The following ZNF804B variants were observed in gnomAD, a reference collection of about 807,000 sequenced individuals.
ZNF804B encodes the protein zinc finger 804B.
In ZNF804B, 80 loss-of-function variants were observed where a neutral mutation model predicts 101.4. The ratio of observed to expected loss-of-function variants is 0.79; its 90% confidence interval spans 0.66 to 0.95. The LOEUF is 0.95. Among genes scored for constraint, ZNF804B ranks in the 40% least tolerant of loss-of-function variants. ZNF804B has a pLI of 0.00. For synonymous variants in ZNF804B, 622 were observed against 558.8 expected (o/e 1.11, Z -1.59); for missense variants, 1,673 against 1,561.9 (o/e 1.07, Z -1.20).
intron 1 of ZNF804B, among the ~76,000 whole-genome samples, chr7:89,181,434 G>A (rs1788293729): frequency 6.6e-6 from 1 of 152,178 alleles, no homozygotes; most frequent in Non-Finnish European, 1.5e-5. Flanking sequence ...ATGAGTGCAG[G>A]CCAAATTATG....
At chr7:88,783,256 G>C (rs1790256013) in intron 1 of ZNF804B, among the ~76,000 whole-genome samples, 1 of 152,130 alleles carries the variant, frequency 6.6e-6, no homozygotes, top group Admixed American at 6.6e-5. Context: ...TGAGATTGTA[G>C]AAAGTAACAG....
intron 1 of ZNF804B, among the ~76,000 whole-genome samples, chr7:88,972,545 G>GA (rs1241631342): frequency 1.3e-5 from 2 of 150,958 alleles, no homozygotes; most frequent in East Asian, 2.0e-4. Flanking sequence ...GATTGTGATA[G>GA]AAAAAAAGTC....
intron 1 of ZNF804B, among the ~76,000 whole-genome samples, chr7:89,055,387 T>C (rs966947938): frequency 1.3e-5 from 2 of 152,128 alleles, no homozygotes; most frequent in African/African-American, 4.8e-5. Flanking sequence ...CGCTAAGATC[T>C]GATTTGTAGT....
intron 1 of ZNF804B, among the ~76,000 whole-genome samples, chr7:88,928,222 C>A (rs1019127986): frequency 2.0e-5 from 3 of 152,212 alleles, no homozygotes; most frequent in African/African-American, 7.2e-5. Flanking sequence ...CTCTTTAGAG[C>A]AGGACCTCTT....
In ZNF804B at chr7:89,278,761, G is replaced by A. The variant is rs1354984861; in HGVS notation, c.250-48583G>A. Among the ~76,000 whole-genome samples, 8 of 150,192 alleles carry A rather than the reference G, an allele frequency of 5.3e-5. No individual in the cohort carries two copies. The South Asian group carries it at 1.3e-3, about 24-fold the overall frequency. The stretch of plus-strand genomic sequence containing the variant: ...CTGTTTTGGTTACTGTAGCCTTGTA[G>A]TATAGTTTGAAGTCAGGTAGCATGA... On this transcript the variant is annotated intron_variant, in intron 2 of 3. Coordinates refer to ENST00000333190, the MANE Select transcript of ZNF804B (RefSeq NM_181646.5).
intron 1 of ZNF804B, among the ~76,000 whole-genome samples, chr7:88,959,175 T>C (rs1346569038): frequency 6.6e-6 from 1 of 151,442 alleles, no homozygotes; most frequent in African/African-American, 2.4e-5. Flanking sequence ...GATTCATGTT[T>C]CTTTCTTGTT....
chr7:89,018,877 CTTCTCTCTT>C (rs1788614257), intron 1 of ZNF804B, among the ~76,000 whole-genome samples: 1 of 151,986 alleles, frequency 6.6e-6, no homozygotes, highest in African/African-American at 2.4e-5. Flanking sequence ...TTATGTGTGT[CTTCTCTCTT>C]TTTAGTCTAG....
chr7:89,177,456 T>C (rs756126082), intron 1 of ZNF804B, among the ~76,000 whole-genome samples: 2 of 152,224 alleles, frequency 1.3e-5, no homozygotes, highest in African/African-American at 2.4e-5. Context: ...TTTGTAGTTT[T>C]ATTCCCTTGT....
At chr7:88,884,655 C>T (rs1017979749) in intron 1 of ZNF804B, among the ~76,000 whole-genome samples, 5 of 151,828 alleles carry the variant, frequency 3.3e-5, no homozygotes, top group Admixed American at 1.3e-4. Flanking sequence ...TATTATATGA[C>T]AGATGGAGAA....
chr7:88,880,096 A>G (rs1000833575), intron 1 of ZNF804B, among the ~76,000 whole-genome samples: 6 of 152,150 alleles, frequency 3.9e-5, no homozygotes, highest in African/African-American at 1.4e-4. Flanking sequence ...TTAACGAATA[A>G]AAGTTGTTCT....
chr7:88,802,070 T>C (rs1583945639), intron 1 of ZNF804B, among the ~76,000 whole-genome samples: 1 of 152,094 alleles, frequency 6.6e-6, no homozygotes, highest in East Asian at 1.9e-4. Flanking sequence ...TCTCAGGAAA[T>C]CTGATGGCTT....
chr7:89,030,561 C>T (rs1027799839), intron 1 of ZNF804B, among the ~76,000 whole-genome samples: 2 of 152,164 alleles, frequency 1.3e-5, no homozygotes, highest in African/African-American at 4.8e-5. Context: ...ATCTCCCTCA[C>T]TCATCAGTCT....
At chr7:89,018,094 A>G (rs563338033) in intron 1 of ZNF804B, among the ~76,000 whole-genome samples, 2 of 152,200 alleles carry the variant, frequency 1.3e-5, no homozygotes, top group Admixed American at 6.6e-5. Flanking sequence ...CGCATGTTCG[A>G]TATATTAGAG....
intron 1 of ZNF804B, among the ~76,000 whole-genome samples, chr7:89,178,456 C>T (rs1788239095): frequency 6.6e-6 from 1 of 151,918 alleles, no homozygotes; most frequent in African/African-American, 2.4e-5. Context: ...GACTATGAAG[C>T]TTGCAAATTA....
chr7:88,777,268 A>G (rs1790156363), intron 1 of ZNF804B, among the ~76,000 whole-genome samples: 1 of 152,180 alleles, frequency 6.6e-6, no homozygotes, highest in Admixed American at 6.5e-5. Context: ...GCCACCGCCA[A>G]AACTCATGAG....
chr7:88,823,470 C>G (rs73200621), intron 1 of ZNF804B, among the ~76,000 whole-genome samples: 2,860 of 152,126 alleles, frequency 0.019, 48 homozygotes, highest in Non-Finnish European at 0.027. Flanking sequence ...TGACTGATGC[C>G]ACAATTCAAG....
At chr7:89,136,589 G>A (rs1790637348) in intron 1 of ZNF804B, among the ~76,000 whole-genome samples, 1 of 152,018 alleles carries the variant, frequency 6.6e-6, no homozygotes, top group South Asian at 2.1e-4. Context: ...GATTCTAGGT[G>A]CTTCACATCA....
At chr7:88,950,663 T>G (rs921154770) in intron 1 of ZNF804B, among the ~76,000 whole-genome samples, 2 of 95,778 alleles carry the variant, frequency 2.1e-5, no homozygotes, top group Non-Finnish European at 2.2e-5. Context: ...AGAAAATATG[T>G]TTTTTTTTTC....
intron 1 of ZNF804B, among the ~76,000 whole-genome samples, chr7:89,097,294 T>C (rs2116333312): frequency 6.6e-6 from 1 of 152,346 alleles, no homozygotes; most frequent in African/African-American, 2.4e-5. Flanking sequence ...TGTACATGGC[T>C]CACAGATCAA....
Sources: gnomAD v4.1 joint callset for allele counts (sites outside exome capture counted in the v4.1 genomes callset) on GRCh38, gnomAD v4.1.1 for gene constraint, MANE v1.5 for transcripts, NCBI Gene and HGNC (gene_info 2026-07-23, HGNC 2026-07-21) for gene names.